The following REPS1 variants were observed in gnomAD, a reference collection of about 807,000 sequenced individuals.
REPS1 encodes ralBP1-associated Eps domain-containing protein 1.
REPS1 carries 39 observed loss-of-function variants against 100.9 expected under a neutral mutation model. That is an observed-to-expected ratio of 0.39 (90% confidence interval 0.30 to 0.50). The LOEUF is 0.50. Among genes scored for constraint, REPS1 ranks in the 20% least tolerant of loss-of-function variants. The pLI, the probability that REPS1 is intolerant of heterozygous loss-of-function variation, is 0.86. For missense variants in REPS1, 821 were observed against 968.5 expected (o/e 0.85, Z 2.02); for synonymous variants, 324 against 340.3 (o/e 0.95, Z 0.53).
chr6:138,978,672 T>A (rs773357065), intron 1 of REPS1, among the ~76,000 whole-genome samples: 6 of 152,172 alleles, frequency 3.9e-5, no homozygotes, highest in Non-Finnish European at 8.8e-5. Context: ...TTCCCAAGTA[T>A]GTTAGGCCTC....
At chr6:138,982,283 C>G (rs180727608) in intron 1 of REPS1, among the ~76,000 whole-genome samples, 2 of 152,174 alleles carry the variant, frequency 1.3e-5, no homozygotes, top group Admixed American at 6.5e-5. Flanking sequence ...ACTGTTATTG[C>G]TTTTCCCCAT....
intron 1 of REPS1, among the ~76,000 whole-genome samples, chr6:138,963,195 C>T (rs1783835806): frequency 6.6e-6 from 1 of 152,166 alleles, no homozygotes; most frequent in South Asian, 2.1e-4. Context: ...TTAAGACCTA[C>T]TTCCTTCCTG....
chr6:138,927,568 A>C (rs1781216696), intron 9 of REPS1: 1 of 152,204 alleles, frequency 6.6e-6, no homozygotes, highest in Admixed American at 6.5e-5. Context: ...ATACATTTTT[A>C]TGCTTCAAAG....
At chr6:138,918,617 A>T (rs1433893231) in intron 12 of REPS1, among the ~76,000 whole-genome samples, 1 of 152,234 alleles carries the variant, frequency 6.6e-6, no homozygotes, top group Non-Finnish European at 1.5e-5. Context: ...TAATGGACAA[A>T]AAGGTCGCTT....
rs1044916111 is a variant in REPS1, at chr6:138,987,792, C to G, written c.-110G>C. The stretch of plus-strand genomic sequence containing the variant: ...GTGGCCCGGCCTCCTGCTAGCTTCC[C>G]GAAAACGCCGGCCCCGGCCTCACAC... On this transcript the variant is annotated 5_prime_UTR_variant, in exon 1 of 20. Transcript: ENST00000450536. The G allele has an allele frequency of 5.4e-6, 7 of 1,291,304 alleles. No individual in the cohort carries two copies. Among genetic ancestry groups the G allele is most frequent in the East Asian group, 3.1e-5 (1 of 32,648 alleles). 80.0% of individuals were successfully genotyped at this position (1,291,304 alleles called of 1,614,324 possible). A position where few individuals can be genotyped will look rare whatever the true frequency, so the allele number is the denominator to read the frequency against.
intron 1 of REPS1, among the ~76,000 whole-genome samples, chr6:138,956,003 C>A (rs1490618106): frequency 6.6e-6 from 1 of 152,142 alleles, no homozygotes. Context: ...ACTTCAGAGA[C>A]TAAGTTATTT....
chr6:138,956,167 G>T (rs185355501), intron 1 of REPS1, among the ~76,000 whole-genome samples: 1 of 152,118 alleles, frequency 6.6e-6, no homozygotes. Context: ...TACCTGCTCT[G>T]CCTTCAGGAC....
chr6:138,943,652 CT>C, intron 6 of REPS1, 76 bp from the exon 7 acceptor site: 1 of 1,162,482 alleles, frequency 8.6e-7, no homozygotes, highest in Non-Finnish European at 1.2e-6. Flanking sequence ...GAGTCTTAGA[CT>C]TTTTTAACTG....
chr6:138,985,036 A>G (rs576879245), intron 1 of REPS1, among the ~76,000 whole-genome samples: 1 of 152,202 alleles, frequency 6.6e-6, no homozygotes, highest in Non-Finnish European at 1.5e-5. Context: ...AAACTTTTCA[A>G]TGGGTCTCCA....
intron 10 of REPS1, among the ~76,000 whole-genome samples, chr6:138,922,681 C>G (rs1004346610): frequency 3.3e-5 from 5 of 152,178 alleles, no homozygotes; most frequent in African/African-American, 1.2e-4. Flanking sequence ...ACCAAGGGGG[C>G]CCAGCTCCTT....
chr6:138,913,166 C>A (rs1390221138), intron 15 of REPS1, among the ~76,000 whole-genome samples: 2 of 151,836 alleles, frequency 1.3e-5, no homozygotes, highest in African/African-American at 4.8e-5. Flanking sequence ...AGATGATAAA[C>A]CTCCAATAAA....
intron 1 of REPS1, among the ~76,000 whole-genome samples, chr6:138,968,379 C>T (rs1037168973): frequency 5.3e-5 from 8 of 152,188 alleles, no homozygotes; most frequent in Non-Finnish European, 1.0e-4. Context: ...CTAAAAATTA[C>T]GCATTGTTAT....
chr6:138,914,265 G>T (rs1156709235), intron 15 of REPS1, among the ~76,000 whole-genome samples: 1 of 151,954 alleles, frequency 6.6e-6, no homozygotes, highest in African/African-American at 2.4e-5. Flanking sequence ...AGAGATGGGG[G>T]TCTCACTATG....
At chr6:138,979,106 G>C (rs562150686) in intron 1 of REPS1, among the ~76,000 whole-genome samples, 23 of 148,976 alleles carry the variant, frequency 1.5e-4, no homozygotes, top group African/African-American at 5.8e-4. Flanking sequence ...GCTTCAACCC[G>C]GGAGGCGGAG....
chr6:138,983,017 A>C (rs1785040849), intron 1 of REPS1, among the ~76,000 whole-genome samples: 1 of 152,206 alleles, frequency 6.6e-6, no homozygotes, highest in Non-Finnish European at 1.5e-5. Context: ...TGTTCATAAG[A>C]ACTATGGGGA....
intron 12 of REPS1, among the ~76,000 whole-genome samples, chr6:138,919,108 C>T (rs1053357804): frequency 3.3e-5 from 5 of 152,152 alleles, no homozygotes; most frequent in Non-Finnish European, 5.9e-5. Flanking sequence ...TCTCTACAAA[C>T]CTACAGCTAT....
chr6:138,944,724 A>T, intron 4 of REPS1, 102 bp from the exon 5 acceptor site: 1 of 1,140,490 alleles, frequency 8.8e-7, no homozygotes, highest in South Asian at 1.6e-5. Flanking sequence ...AACAATTTCC[A>T]AAATGGAATC....
chr6:138,987,933 C>T lies in REPS1; in HGVS notation c.-251G>A. On this transcript the variant is annotated 5_prime_UTR_variant, in exon 1 of 20. Transcript: ENST00000450536. ...GCGGCTGCGGCTGCGGCTGCGACTA[C>T]GGCTCCGGCTCCGGCTCCGGCTCCG... 3.1e-6 allele frequency: 1 copy of T among 321,048 alleles called. No individual in the cohort carries two copies. The highest frequency in any genetic ancestry group is 1.5e-4 in the South Asian group (1 of 6,824). 19.9% of individuals were successfully genotyped at this position (321,048 alleles called of 1,614,324 possible). A position where few individuals can be genotyped will look rare whatever the true frequency, so the allele number is the denominator to read the frequency against.
At chr6:138,947,648 G>C (rs1782728273) in intron 2 of REPS1, 142 bp downstream of exon 2, 7 of 628,364 alleles carry the variant, frequency 1.1e-5, no homozygotes, top group Non-Finnish European at 1.8e-5. Context: ...GAAATGCAAG[G>C]TAGTGGGAAT....
Sources: gnomAD v4.1 joint callset for allele counts (sites outside exome capture counted in the v4.1 genomes callset) on GRCh38, gnomAD v4.1.1 for gene constraint, MANE v1.5 for transcripts, NCBI Gene and HGNC (gene_info 2026-07-23, HGNC 2026-07-21) for gene names.